The following HIVEP1 variants were observed in gnomAD, a reference collection of about 807,000 sequenced individuals.
The protein encoded by HIVEP1 is HIVEP zinc finger 1, also known as zinc finger protein 40.
A neutral mutation model predicts 180.0 loss-of-function variants in HIVEP1; 36 were observed. The observed-to-expected ratio is 0.20, with a 90% CI of 0.15 to 0.26. The LOEUF is 0.26. Among genes scored for constraint, HIVEP1 ranks in the 10% least tolerant of loss-of-function variants. The pLI is 1.00. For synonymous variants in HIVEP1, 1,239 were observed against 1,239.0 expected (o/e 1.00, Z 0.00); for missense variants, 3,143 against 3,268.7 (o/e 0.96, Z 0.94).
rs1279613908 is a variant in HIVEP1 at position 12,122,693 on chromosome 6, C to G, written c.2898C>G (p.Asn966Lys). 1.2e-6 allele frequency: 2 copies of G among 1,614,088 alleles called. No homozygotes were observed. Among genetic ancestry groups the G allele is most frequent in the Non-Finnish European group, 1.7e-6 (2 of 1,180,012 alleles). Reference protein sequence around the residue: ...GTMFECETCRNRYRKLENFEN... With the variant: ...GTMFECETCRKRYRKLENFEN... ...TGTTTGAGTGTGAAACTTGTAGAAA[C>G]AGGTATAGGAAACTGGAAAATTTTG... Residue 966 changes from asparagine (N) to lysine (K), a missense_variant, in exon 4 of 9, where the codon AAC (asparagine) becomes AAG (lysine). Asn to Lys is a moderately conservative substitution (Grantham distance 94). Around this residue, in one of 12 missense-constraint regions of HIVEP1, gnomAD observed 204 missense variants for 243.7 expected, o/e 0.84. Coordinates refer to ENST00000379388, the MANE Select transcript of HIVEP1 (RefSeq NM_002114.4).
chr6:12,109,011 G>A (rs1026093229), intron 3 of HIVEP1, among the ~76,000 whole-genome samples: 3 of 151,936 alleles, frequency 2.0e-5, no homozygotes, highest in African/African-American at 7.2e-5. Context: ...ACAGACTCTC[G>A]CTCTGTCGCC....
chr6:12,107,218 G>A (rs1774487588), intron 3 of HIVEP1, among the ~76,000 whole-genome samples: 1 of 152,120 alleles, frequency 6.6e-6, no homozygotes, highest in East Asian at 1.9e-4. Context: ...TTATTTCCCA[G>A]TGCATATCAA....
downstream of HIVEP1, among the ~76,000 whole-genome samples, chr6:12,169,538 C>T (rs1488968021): frequency 2.6e-5 from 4 of 152,136 alleles, no homozygotes; most frequent in South Asian, 6.2e-4. Context: ...AGAATGCCTG[C>T]TTAAGACAGA....
At chr6:12,040,309 T>G (rs1469692854) in intron 2 of HIVEP1, among the ~76,000 whole-genome samples, 1 of 152,190 alleles carries the variant, frequency 6.6e-6, no homozygotes, top group Non-Finnish European at 1.5e-5. Context: ...TCCTCAAAAA[T>G]AAGAATAATT....
intron 3 of HIVEP1, among the ~76,000 whole-genome samples, chr6:12,093,768 A>C (rs578069427): frequency 2.6e-5 from 4 of 152,118 alleles, no homozygotes; most frequent in Admixed American, 2.0e-4. Flanking sequence ...ACAGTATGTT[A>C]ATTACTTACC....
chr6:12,033,032 G>C (rs1029486957), intron 2 of HIVEP1, among the ~76,000 whole-genome samples: 2 of 152,156 alleles, frequency 1.3e-5, no homozygotes, highest in African/African-American at 4.8e-5. Flanking sequence ...GACGGTCCCT[G>C]ACTTAACCAA....
At chr6:12,133,697 A>G (rs1267605727) in intron 6 of HIVEP1, among the ~76,000 whole-genome samples, 1 of 152,232 alleles carries the variant, frequency 6.6e-6, no homozygotes, top group African/African-American at 2.4e-5. Context: ...ACATTTTAAA[A>G]GAGGGCCAGG....
chr6:12,111,480 A>T (rs1774885106), intron 3 of HIVEP1, among the ~76,000 whole-genome samples: 1 of 152,222 alleles, frequency 6.6e-6, no homozygotes, highest in Non-Finnish European at 1.5e-5. Context: ...TGTCTTCTGG[A>T]GGCTCCAGGG....
At chr6:12,053,408 A>C (rs1770661320) in intron 2 of HIVEP1, among the ~76,000 whole-genome samples, 1 of 152,238 alleles carries the variant, frequency 6.6e-6, no homozygotes, top group African/African-American at 2.4e-5. Context: ...AAATAAGAGA[A>C]GCAGTATAGA....
At chr6:12,148,013 A>G (rs1002650383) in intron 7 of HIVEP1, among the ~76,000 whole-genome samples, 2 of 152,168 alleles carry the variant, frequency 1.3e-5, no homozygotes, top group African/African-American at 4.8e-5. Context: ...TGCCCCAATC[A>G]ACTCTATAAG....
upstream of HIVEP1, among the ~76,000 whole-genome samples, chr6:12,010,659 G>T (rs1238006250): frequency 1.3e-5 from 2 of 151,372 alleles, no homozygotes. Context: ...TCAAGTTTGA[G>T]GTGGCCCGTT....
At chr6:12,034,162 C>T (rs535611951) in intron 2 of HIVEP1, among the ~76,000 whole-genome samples, 1 of 152,258 alleles carries the variant, frequency 6.6e-6, no homozygotes, top group South Asian at 2.1e-4. Flanking sequence ...CTTTTAGCAC[C>T]TGCATTTTTT....
At position 12,097,551 on chromosome 6, in the gene HIVEP1, C is replaced by T. The variant is rs9394538; in HGVS notation, c.94+8314C>T. On this transcript the variant is annotated intron_variant, in intron 3 of 8. Transcript: ENST00000379388. ...TCTCCTTTTTTTACTATTAAAATTT[C>T]AAATTTAAATATTCACATCTTACGA... Among the ~76,000 whole-genome samples, 5 of 151,832 alleles carry T rather than the reference C, an allele frequency of 3.3e-5. No homozygotes were observed. In the South Asian group the frequency reaches 1.0e-3, roughly 31 times the overall value.
At chr6:12,060,261 A>G (rs1349607056) in intron 2 of HIVEP1, among the ~76,000 whole-genome samples, 1 of 152,228 alleles carries the variant, frequency 6.6e-6, no homozygotes, top group East Asian at 1.9e-4. Flanking sequence ...GGGGATTTAC[A>G]TCTGCTTTCC....
At chr6:12,149,967 A>G (rs986008712) in intron 7 of HIVEP1, among the ~76,000 whole-genome samples, 2 of 152,220 alleles carry the variant, frequency 1.3e-5, no homozygotes, top group Non-Finnish European at 2.9e-5. Flanking sequence ...CTAATTCTCA[A>G]TGGAATAAAT....
chr6:12,197,612 G>T, the HIVEP1 span, among the ~76,000 whole-genome samples: 1 of 151,716 alleles, frequency 6.6e-6, no homozygotes. Flanking sequence ...GAAGGGAGAT[G>T]GCAGGAAACA....
At chr6:12,079,955 T>TCTATCTAC (rs1772662990) in intron 2 of HIVEP1, among the ~76,000 whole-genome samples, 1 of 151,958 alleles carries the variant, frequency 6.6e-6, no homozygotes, top group Admixed American at 6.6e-5. Flanking sequence ...TATCTATCTA[T>TCTATCTAC]CTATCTATCT....
chr6:12,099,854 C>G (rs1303991713), intron 3 of HIVEP1, among the ~76,000 whole-genome samples: 1 of 152,152 alleles, frequency 6.6e-6, no homozygotes, highest in Admixed American at 6.5e-5. Flanking sequence ...GATATGTAAT[C>G]TAGATTGCTT....
At chr6:12,132,022 G>A (rs775188716) in intron 6 of HIVEP1, among the ~76,000 whole-genome samples, 11 of 152,096 alleles carry the variant, frequency 7.2e-5, no homozygotes, top group Non-Finnish European at 1.3e-4. Context: ...TGCCAGTGGT[G>A]TCTGAAACAA....
Sources: allele counts gnomAD v4.1 joint callset (sites outside exome capture counted in the v4.1 genomes callset), GRCh38; gene constraint gnomAD v4.1.1; regional missense constraint gnomAD v4.1.1; transcripts MANE v1.5; gene names NCBI Gene and HGNC (gene_info 2026-07-23, HGNC 2026-07-21).